CDH23: variants seen among roughly 807,000 people sequenced by gnomAD.
The protein encoded by CDH23 is cadherin related 23, also known as cadherin-23.
CDH23 carries 189 observed loss-of-function variants against 317.1 expected under a neutral mutation model. That is an observed-to-expected ratio of 0.60 (90% confidence interval 0.53 to 0.67). The LOEUF (loss-of-function observed/expected upper bound fraction) is 0.67, where lower values mean the gene tolerates loss of function less well. CDH23 is among the 30% of genes least tolerant of loss of function. The probability of loss-of-function intolerance (pLI) is 0.00; values close to 1 mark genes in which losing one functional copy is unlikely to be tolerated. For synonymous variants in CDH23, 1,839 were observed against 1,876.8 expected (o/e 0.98, Z 0.52); for missense variants, 4,401 against 4,592.4 (o/e 0.96, Z 1.20).
chr10:71,791,112 C>T lies in CDH23; in HGVS notation c.6050-20C>T, dbSNP rs757861570. ...ACCCCTTTTCTGTGTGTTTCCCTGG[C>T]TGGCGGCACCGGGTGCCAGGTGTGG... On this transcript the variant is annotated intron_variant, in intron 46 of 69. Transcript: ENST00000224721. 4 of 1,587,678 alleles carry T rather than the reference C, an allele frequency of 2.5e-6. No homozygotes were observed. In the African/African-American group the frequency reaches 5.4e-5, roughly 21 times the overall value.
Position 71,738,641 on chromosome 10 carries a change from T to A in CDH23, c.4353T>A (p.Asn1451Lys). The change falls in exon 35 of 70, where the codon AAT becomes AAA. Residue 1451 changes from asparagine (N) to lysine (K), a missense_variant. Physicochemically the swap from Asn to Lys is moderately conservative, Grantham distance 94. This residue lies in a region of CDH23 where 3,068 missense variants were observed against 3,203.3 expected (regional missense o/e 0.96). Transcript: ENST00000224721. Reference protein sequence around the residue: ...VKAWDPDAGSNGQVVFSLASG... With the variant: ...VKAWDPDAGSKGQVVFSLASG... ...CCTGGGACCCTGATGCTGGCAGCAA[T>A]GGGCAGGTGGGCCACCGAGTGAAAC... The A allele has an allele frequency of 1.2e-6, 2 of 1,612,668 alleles. No individual in the cohort carries two copies. Among genetic ancestry groups the A allele is most frequent in the Non-Finnish European group, 8.5e-7 (1 of 1,179,482 alleles).
At position 71,738,713 on chromosome 10, in the gene CDH23, G is replaced by C; in HGVS notation, c.4359+66G>C. 3 of 1,562,828 alleles carry C rather than the reference G, an allele frequency of 1.9e-6. No homozygotes were observed. In the South Asian group the frequency reaches 3.5e-5, roughly 18 times the overall value. On this transcript the variant is annotated intron_variant, in intron 35 of 69. Coordinates refer to ENST00000224721, the MANE Select transcript of CDH23 (RefSeq NM_022124.6). ...CGGGGCTCCCACAGCTCTCACAGCT[G>C]GAGGGGCCTTCTGAGCCACCCCCAT...
chr10:71,439,759 G>C, intron 1 of CDH23, 68 bp from the exon 2 acceptor site: 1 of 1,151,364 alleles, frequency 8.7e-7, no homozygotes, highest in Non-Finnish European at 1.3e-6. Flanking sequence ...GAGGTGGGAG[G>C]GGCTGAGGAG....
intron 28 of CDH23, chr10:71,716,161 G>A: frequency 1.3e-6 from 2 of 1,550,798 alleles, no homozygotes; most frequent in Non-Finnish European, 1.7e-6. Context: ...CGGCCGGCTT[G>A]CAGAGCGTCA....
intron 38 of CDH23, among the ~76,000 whole-genome samples, chr10:71,771,466 ATCT>A (rs1308026157): frequency 6.6e-6 from 1 of 152,208 alleles, no homozygotes; most frequent in Non-Finnish European, 1.5e-5. Context: ...CTGGTGATCA[ATCT>A]TCTCAACTTA....
rs1200392583 is a variant in CDH23 at position 71,510,985 on chromosome 10, T to C, written c.320T>C (p.Val107Ala). ...TCAGAGTTCACCGTGGAGTTCTCTG[T>C]CAGCGACCACCAGGGGGTGAGTGTT... is the stretch of plus-strand genomic sequence containing the variant. ...TKSEFTVEFS[V>A]SDHQGVITRK... The change falls in exon 5 of 70, where the codon GTC becomes GCC. Residue 107 changes from valine (V) to alanine (A), a missense_variant. Physicochemically the swap from Val to Ala is moderately conservative, Grantham distance 64. Transcript: ENST00000224721. The C allele has an allele frequency of 6.2e-7, 1 of 1,613,882 alleles. No homozygotes were observed. The highest frequency in any genetic ancestry group is 1.1e-5 in the South Asian group (1 of 91,072).
intron 6 of CDH23, among the ~76,000 whole-genome samples, chr10:71,543,044 A>G (rs1856069864): frequency 6.6e-6 from 1 of 152,248 alleles, no homozygotes. Context: ...CTCTAAGGTC[A>G]TTGTAATGCA....
chr10:71,802,820 C>A, intron 53 of CDH23, 78 bp from the exon 54 acceptor site: 3 of 1,481,260 alleles, frequency 2.0e-6, no homozygotes, highest in East Asian at 4.6e-5. Context: ...TCTATCCAGG[C>A]TTACTCCTGC....
chr10:71,674,480 G>A (rs542546664), intron 14 of CDH23, among the ~76,000 whole-genome samples: 24 of 152,344 alleles, frequency 1.6e-4, no homozygotes, highest in Admixed American at 1.3e-3. Flanking sequence ...CTGGTGGCAG[G>A]CAGCAGTTTG....
At position 71,695,505 on chromosome 10, in the gene CDH23, C is replaced by G; in HGVS notation, c.2377C>G (p.Pro793Ala). 6.2e-7 allele frequency: 1 copy of G among 1,613,034 alleles called. No individual in the cohort carries two copies. Among genetic ancestry groups the G allele is most frequent in the Non-Finnish European group, 8.5e-7 (1 of 1,178,974 alleles). ...YYINLVEMTP[P>A]DSDVTTVVAV... ...CATCAACCTGGTGGAGATGACCCCT[C>G]CAGACTCTGATGTGACCACGGTAGG... is the stretch of plus-strand genomic sequence containing the variant. The change falls in exon 22 of 70, where the codon CCA becomes GCA. Residue 793 changes from proline (P) to alanine (A), a missense_variant. By Grantham distance (27) the Pro-to-Ala change is conservative (BLOSUM62 -1). Coordinates refer to ENST00000224721, the MANE Select transcript of CDH23 (RefSeq NM_022124.6).
At chr10:71,489,329 A>G (rs902957990) in intron 3 of CDH23, among the ~76,000 whole-genome samples, 2 of 152,090 alleles carry the variant, frequency 1.3e-5, no homozygotes, top group African/African-American at 4.8e-5. Flanking sequence ...TCAATTCACT[A>G]ATTCTCTTTC....
chr10:71,496,061 C>T (rs1030410114), intron 3 of CDH23, among the ~76,000 whole-genome samples: 2 of 152,132 alleles, frequency 1.3e-5, no homozygotes, highest in African/African-American at 4.8e-5. Context: ...GTTTGAGAAT[C>T]ACTGCTCTAA....
At chr10:71,492,228 C>A (rs1852702716) in intron 3 of CDH23, among the ~76,000 whole-genome samples, 1 of 152,158 alleles carries the variant, frequency 6.6e-6, no homozygotes, top group African/African-American at 2.4e-5. Context: ...CTGCAGCCTA[C>A]CCTCAACTTA....
At position 71,815,016 on chromosome 10, in the gene CDH23, TCCGC is replaced by T. The variant is rs1486319287; in HGVS notation, c.9805_9808del (p.Arg3269ThrfsTer46). 6.2e-7 allele frequency: 1 copy of T among 1,612,128 alleles called. No homozygotes were observed. Among genetic ancestry groups the T allele is most frequent in the African/African-American group, 1.3e-5 (1 of 74,922 alleles). ...AGCCCAGGGCAGGGTAGCCTGCGCTTCCGCCACAAGCCACCAGTGGAGCTCAAGG... is the reference window on the plus strand; with the variant it reads ...AGCCCAGGGCAGGGTAGCCTGCGCTTCACAAGCCACCAGTGGAGCTCAAGG... On this transcript the variant is annotated frameshift_variant, in exon 70 of 70. Coordinates refer to ENST00000224721, the MANE Select transcript of CDH23 (RefSeq NM_022124.6). LOFTEE classifies it high-confidence loss of function.
intron 1 of CDH23, among the ~76,000 whole-genome samples, chr10:71,401,470 T>C (rs1173747262): frequency 6.6e-6 from 1 of 152,186 alleles, no homozygotes; most frequent in Non-Finnish European, 1.5e-5. Context: ...TCCAGCCCTA[T>C]TCTTAAGTGA....
chr10:71,702,522 G>T, intron 23 of CDH23, 27 bp from the exon 24 acceptor site: 7 of 1,613,624 alleles, frequency 4.3e-6, no homozygotes, highest in Non-Finnish European at 5.9e-6. Context: ...CCCTGTCCTT[G>T]GCCCCTTCTC....
chr10:71,764,865 A>G (rs2894169), intron 38 of CDH23, among the ~76,000 whole-genome samples: 99,730 of 152,112 alleles, frequency 0.66, 32,984 homozygotes, highest in South Asian at 0.75. Context: ...GTCCCCAGGG[A>G]AAGCCTGGCA....
At chr10:71,786,169 G>A (rs371448429) in intron 44 of CDH23, among the ~76,000 whole-genome samples, 4 of 152,198 alleles carry the variant, frequency 2.6e-5, no homozygotes, top group Admixed American at 6.5e-5. Flanking sequence ...GAAGGGCTGC[G>A]TTTTCCAGGT....
chr10:71,729,683 C>T (rs1839290924), intron 30 of CDH23, among the ~76,000 whole-genome samples: 1 of 152,302 alleles, frequency 6.6e-6, no homozygotes, highest in Non-Finnish European at 1.5e-5. Flanking sequence ...TCTACTACAA[C>T]TGCCATTGTA....
Sources: allele counts gnomAD v4.1 joint callset (sites outside exome capture counted in the v4.1 genomes callset), GRCh38; gene constraint gnomAD v4.1.1; regional missense constraint gnomAD v4.1.1; transcripts MANE v1.5; gene names NCBI Gene and HGNC (gene_info 2026-07-23, HGNC 2026-07-21).